Variants in SNX8 observed in about 807,000 individuals in gnomAD.
The protein encoded by SNX8 is sorting nexin 8.
SNX8 carries 25 observed loss-of-function variants against 51.6 expected under a neutral mutation model. The observed-to-expected ratio is 0.48, with a 90% CI of 0.35 to 0.68. The LOEUF (loss-of-function observed/expected upper bound fraction) is 0.68. Among genes scored for constraint, SNX8 ranks in the 30% least tolerant of loss-of-function variants. The probability of loss-of-function intolerance (pLI) is 0.00; values close to 1 mark genes in which losing one functional copy is unlikely to be tolerated. For synonymous variants in SNX8, 324 were observed against 277.0 expected, an observed-to-expected ratio of 1.17 and a Z score of -1.68; for missense variants, 695 against 624.0, an observed-to-expected ratio of 1.11 and a Z score of -1.21.
chr7:2,294,347 T>C (rs1227841565), intron 1 of SNX8, among the ~76,000 whole-genome samples: 1 of 151,950 alleles, frequency 6.6e-6, no homozygotes, highest in Non-Finnish European at 1.5e-5. Flanking sequence ...CCACAATGGC[T>C]ATAATCACAA....
At position 2,254,983 on chromosome 7, in the gene SNX8, A is replaced by G; in HGVS notation, c.*73T>C. Reference sequence around the variant, plus strand: ...GGGAGGGGAGCTGCCGTCCAAAGGGAATTACACCGGGACACACCGTTTGGA... The same window carrying G: ...GGGAGGGGAGCTGCCGTCCAAAGGGGATTACACCGGGACACACCGTTTGGA... On this transcript the variant is annotated 3_prime_UTR_variant, in exon 11 of 11. Coordinates refer to ENST00000222990, the MANE Select transcript of SNX8 (RefSeq NM_013321.4). 9.7e-7 allele frequency: 1 copy of G among 1,032,916 alleles called. No individual in the cohort carries two copies. The allele number at this position is 1,032,916 out of a possible 1,614,324, so 64.0% of individuals were successfully genotyped here.
chr7:2,344,880 C>G (rs558679255), intron 1 of SNX8, among the ~76,000 whole-genome samples: 9 of 152,262 alleles, frequency 5.9e-5, no homozygotes, highest in African/African-American at 2.2e-4. Context: ...CTTTTAGATC[C>G]TTTTAATAAT....
At chr7:2,334,046 G>A (rs547733781) in intron 1 of SNX8, among the ~76,000 whole-genome samples, 29 of 152,120 alleles carry the variant, frequency 1.9e-4, no homozygotes, top group African/African-American at 6.7e-4. Flanking sequence ...AAGGAGGGAG[G>A]ATCCCTTGAG....
At chr7:2,269,050 C>T (rs972790139) in intron 5 of SNX8, among the ~76,000 whole-genome samples, 1,175 of 112,514 alleles carry the variant, frequency 0.01, no homozygotes, top group Non-Finnish European at 0.015. Context: ...TCATTGAGAA[C>T]GGGCCAGGAT....
chr7:2,303,298 C>T (rs1444642215), intron 1 of SNX8, among the ~76,000 whole-genome samples: 12 of 149,842 alleles, frequency 8.0e-5, no homozygotes, highest in African/African-American at 2.2e-4. Flanking sequence ...GTCAGCCCCC[C>T]GCCCGGCCAG....
chr7:2,292,974 C>T (rs1342562574), intron 1 of SNX8, among the ~76,000 whole-genome samples: 2 of 151,954 alleles, frequency 1.3e-5, no homozygotes, highest in African/African-American at 2.4e-5. Context: ...GAGCTACAAT[C>T]GTGCCACTGC....
intron 1 of SNX8, among the ~76,000 whole-genome samples, chr7:2,333,831 G>A (rs1778779893): frequency 6.6e-6 from 1 of 152,136 alleles, no homozygotes; most frequent in South Asian, 2.1e-4. Flanking sequence ...CCACGTCATA[G>A]GTCTAAACAT....
chr7:2,295,762 T>C (rs970899106), intron 1 of SNX8, among the ~76,000 whole-genome samples: 2 of 152,214 alleles, frequency 1.3e-5, no homozygotes, highest in Admixed American at 6.6e-5. Context: ...TTTTTGCATA[T>C]GGTGAGAGCG....
chr7:2,308,083 G>C (rs1238493529), intron 1 of SNX8: 1 of 152,122 alleles, frequency 6.6e-6, no homozygotes, highest in Non-Finnish European at 1.5e-5. Flanking sequence ...CAGAGAGAGA[G>C]AGAGGATGAG....
chr7:2,308,756 A>G (rs1182679883), intron 1 of SNX8, among the ~76,000 whole-genome samples: 1 of 151,500 alleles, frequency 6.6e-6, no homozygotes, highest in Non-Finnish European at 1.5e-5. Flanking sequence ...GTGGGGCATA[A>G]TTTAATCACC....
chr7:2,263,880 C>CT (rs916977099), intron 6 of SNX8, among the ~76,000 whole-genome samples: 2 of 151,968 alleles, frequency 1.3e-5, no homozygotes, highest in East Asian at 3.9e-4. Context: ...GCCCAGAGAA[C>CT]TTTTTTTTGT....
intron 1 of SNX8, among the ~76,000 whole-genome samples, chr7:2,331,052 G>C (rs1778724438): frequency 6.6e-6 from 1 of 151,816 alleles, no homozygotes. Flanking sequence ...CAGGCATGGT[G>C]GCAGGCACCT....
intron 1 of SNX8, among the ~76,000 whole-genome samples, chr7:2,309,337 C>G (rs1330550633): frequency 6.6e-6 from 1 of 152,190 alleles, no homozygotes; most frequent in Non-Finnish European, 1.5e-5. Context: ...TCCTTCCTGG[C>G]CAACATGGCG....
intron 1 of SNX8, among the ~76,000 whole-genome samples, chr7:2,328,385 T>C (rs1354893070): frequency 6.7e-6 from 1 of 150,258 alleles, no homozygotes; most frequent in Admixed American, 6.7e-5. Flanking sequence ...ACAGACAGGG[T>C]CTCACTATAT....
intron 5 of SNX8, among the ~76,000 whole-genome samples, chr7:2,265,983 G>C (rs1053882429): frequency 6.6e-6 from 1 of 152,006 alleles, no homozygotes; most frequent in East Asian, 1.9e-4. Flanking sequence ...AAGTACTGTG[G>C]TGCATGCCTG....
At chr7:2,339,150 C>T (rs921997384) in intron 1 of SNX8, among the ~76,000 whole-genome samples, 40 of 152,130 alleles carry the variant, frequency 2.6e-4, no homozygotes, top group Non-Finnish European at 4.4e-4. Flanking sequence ...GCAAACCTCT[C>T]ATCTCAGCCT....
chr7:2,266,764 G>A (rs572305935), intron 5 of SNX8, among the ~76,000 whole-genome samples: 110 of 151,160 alleles, frequency 7.3e-4, no homozygotes, highest in African/African-American at 2.5e-3. Flanking sequence ...CAAGTGATCC[G>A]ACAGCCTCAG....
chr7:2,332,241 T>C (rs1778750052), intron 1 of SNX8, among the ~76,000 whole-genome samples: 1 of 150,164 alleles, frequency 6.7e-6, no homozygotes, highest in Non-Finnish European at 1.5e-5. Flanking sequence ...ATATAATATA[T>C]ACACATATAT....
chr7:2,319,961 CA>C (rs1442135670), intron 1 of SNX8, among the ~76,000 whole-genome samples: 1 of 152,100 alleles, frequency 6.6e-6, no homozygotes, highest in African/African-American at 2.4e-5. Flanking sequence ...GCCTGGGCAA[CA>C]GAAGGAGACT....
Sources: allele counts gnomAD v4.1 joint callset (sites outside exome capture counted in the v4.1 genomes callset), GRCh38; gene constraint gnomAD v4.1.1; transcripts MANE v1.5; gene names NCBI Gene and HGNC (gene_info 2026-07-23, HGNC 2026-07-21).